Variants in NEDD4 observed in about 807,000 individuals in gnomAD.
The protein encoded by NEDD4 is NEDD4 E3 ubiquitin protein ligase, also known as E3 ubiquitin-protein ligase NEDD4.
A neutral mutation model predicts 144.9 loss-of-function variants in NEDD4; 99 were observed. That is an observed-to-expected ratio of 0.68 (90% CI 0.58 to 0.81). The LOEUF is 0.81. Among genes scored for constraint, NEDD4 ranks in the 30% least tolerant of loss-of-function variants. NEDD4 has a pLI of 0.00. For missense variants in NEDD4, 985 were observed against 1,065.9 expected (o/e 0.92, Z 1.06); for synonymous variants, 318 against 350.6 (o/e 0.91, Z 1.04).
At chr15:55,931,066 A>G (rs1421979080) in intron 4 of NEDD4, among the ~76,000 whole-genome samples, 1 of 152,232 alleles carries the variant, frequency 6.6e-6, no homozygotes, top group East Asian at 1.9e-4. Context: ...TAAATTTTTC[A>G]GAGAAAGAGA....
chr15:55,889,668 T>C (rs772014148), intron 5 of NEDD4, among the ~76,000 whole-genome samples: 1 of 152,194 alleles, frequency 6.6e-6, no homozygotes. Flanking sequence ...GTAACTTTAG[T>C]CAAAAATAAT....
Position 55,833,066 on chromosome 15 carries a change from T to C in NEDD4, c.2469A>G (p.Leu823=). Residue 823 remains leucine, a synonymous_variant, in exon 27 of 29, where the codon TTA becomes TTG. Transcript: ENST00000435532. The part of the protein sequence containing the change: ...LMMDSEKRIR[L]LQFVTGTSRV... ...GAGATGTGCCAGTGACAAACTGAAG[T>C]AATCTTATTCTTTTTTCTGAATCCA... 1 of 1,613,470 alleles carries C rather than the reference T, an allele frequency of 6.2e-7. No homozygotes were observed. Among genetic ancestry groups the C allele is most frequent in the South Asian group, 1.1e-5 (1 of 91,052 alleles).
intron 5 of NEDD4, among the ~76,000 whole-genome samples, chr15:55,903,741 C>A (rs556907060): frequency 2.0e-5 from 3 of 148,660 alleles, no homozygotes; most frequent in South Asian, 2.1e-4. Context: ...AGGAGAATGG[C>A]GTGAACCCGG....
intron 24 of NEDD4, among the ~76,000 whole-genome samples, chr15:55,835,073 AAAAC>A (rs1209644476): frequency 3.0e-4 from 46 of 152,262 alleles, no homozygotes; most frequent in African/African-American, 5.8e-4. Flanking sequence ...AAAACAAAGC[AAAAC>A]AAACAAACAA....
At chr15:55,835,890 G>T (rs537028919) in intron 24 of NEDD4, among the ~76,000 whole-genome samples, 92 of 152,282 alleles carry the variant, frequency 6.0e-4, no homozygotes, top group African/African-American at 2.2e-3. Context: ...TTGGTTAATA[G>T]CCTTTAATGC....
intron 5 of NEDD4, among the ~76,000 whole-genome samples, chr15:55,911,555 G>A (rs34671862): frequency 0.4 from 60,812 of 150,996 alleles, 12,408 homozygotes; most frequent in East Asian, 0.48. Context: ...TTTGAGACGG[G>A]GTTTCGCTCT....
chr15:55,856,750 C>G (rs1253988163), intron 11 of NEDD4, among the ~76,000 whole-genome samples: 2 of 152,328 alleles, frequency 1.3e-5, no homozygotes, highest in East Asian at 3.9e-4. Flanking sequence ...ACTTCGCAAT[C>G]TACCCCCTGG....
intron 27 of NEDD4, among the ~76,000 whole-genome samples, chr15:55,832,422 TTC>T (rs1197037024): frequency 2.6e-5 from 4 of 152,138 alleles, no homozygotes; most frequent in Non-Finnish European, 5.9e-5. Flanking sequence ...GTAATGCTTT[TTC>T]TTTTTTTTGA....
Position 55,860,693 on chromosome 15 carries a change from T to C in NEDD4, c.760A>G (p.Thr254Ala), listed in dbSNP as rs1385415606. The C allele has an allele frequency of 5.6e-6, 9 of 1,614,086 alleles. No homozygotes were observed. ...GACTCTCGGTTGTCAACACTTTCTG[T>C]TTCCTCGGATATCTGCCGCCTGGTG... ...FTTRRQISEETESVDNRESSE... is the reference protein window; with the variant it reads ...FTTRRQISEEAESVDNRESSE... Residue 254 changes from threonine (T) to alanine (A), a missense_variant, in exon 10 of 29, where the codon ACA (threonine) becomes GCA (alanine). Thr to Ala is a moderately conservative substitution (Grantham distance 58). Coordinates refer to ENST00000435532, the MANE Select transcript of NEDD4 (RefSeq NM_006154.4).
chr15:55,934,917 G>A (rs566131020), intron 4 of NEDD4, among the ~76,000 whole-genome samples: 1 of 115,002 alleles, frequency 8.7e-6, no homozygotes, highest in South Asian at 3.0e-4. Context: ...TGCCCAGGCT[G>A]GAGTGCAGTG....
At chr15:55,952,715 TG>T (rs1184973175) in intron 2 of NEDD4, 3 of 152,280 alleles carry the variant, frequency 2.0e-5, no homozygotes, top group African/African-American at 7.2e-5. Context: ...TTCAGTTCTC[TG>T]AACTTTGGAG....
intron 2 of NEDD4, among the ~76,000 whole-genome samples, chr15:55,964,488 T>A (rs1332665895): frequency 6.6e-6 from 1 of 152,200 alleles, no homozygotes; most frequent in Non-Finnish European, 1.5e-5. Context: ...TTTTTTATGG[T>A]TTCCATTTCA....
intron 18 of NEDD4, 89 bp from the exon 19 acceptor site, chr15:55,842,252 A>G: frequency 1.9e-6 from 2 of 1,038,602 alleles, no homozygotes. Context: ...TTCCCTCTAC[A>G]CCCTGTGTCC....
chr15:55,919,611 T>A (rs1296449948), intron 5 of NEDD4, among the ~76,000 whole-genome samples: 1 of 152,162 alleles, frequency 6.6e-6, no homozygotes, highest in Non-Finnish European at 1.5e-5. Flanking sequence ...AACAGGAGTG[T>A]TAATCCTAAC....
chr15:55,945,218 G>A (rs1356471304), intron 4 of NEDD4, among the ~76,000 whole-genome samples: 1 of 152,142 alleles, frequency 6.6e-6, no homozygotes, highest in Non-Finnish European at 1.5e-5. Context: ...ACTTCTCCAA[G>A]CTAAAGAAGC....
intron 13 of NEDD4, among the ~76,000 whole-genome samples, chr15:55,851,326 T>C (rs1229273348): frequency 1.3e-5 from 2 of 151,714 alleles, no homozygotes; most frequent in Non-Finnish European, 2.9e-5. Flanking sequence ...TTTAAAACAA[T>C]GTTAAGCAAA....
At chr15:55,945,354 C>T (rs2037090086) in intron 4 of NEDD4, among the ~76,000 whole-genome samples, 3 of 152,096 alleles carry the variant, frequency 2.0e-5, no homozygotes, top group Admixed American at 2.0e-4. Context: ...GGCACAAGAA[C>T]TTTGTGATAC....
Position 55,959,073 on chromosome 15 carries a change from C to T in NEDD4, c.119+7400G>A, listed in dbSNP as rs1307231775. On this transcript the variant is annotated intron_variant, in intron 2 of 28. Transcript: ENST00000435532. Reference sequence around the variant, plus strand: ...CCCTCTACTTATTTTAGAATTCATTCGCTCTTCTTTTTCTAATTTATTAAG... The same window carrying T: ...CCCTCTACTTATTTTAGAATTCATTTGCTCTTCTTTTTCTAATTTATTAAG... Among the ~76,000 whole-genome samples, 7 of 150,984 alleles carry T rather than the reference C, an allele frequency of 4.6e-5. 1 individual carries two copies. The South Asian group carries it at 6.3e-4, about 14-fold the overall frequency.
chr15:55,908,989 C>A (rs958143770), intron 5 of NEDD4, among the ~76,000 whole-genome samples: 1 of 152,130 alleles, frequency 6.6e-6, no homozygotes, highest in Non-Finnish European at 1.5e-5. Flanking sequence ...TTAGTTATAA[C>A]TGAATTTAAA....
Sources: gnomAD v4.1 joint callset for allele counts (sites outside exome capture counted in the v4.1 genomes callset) on GRCh38, gnomAD v4.1.1 for gene constraint, MANE v1.5 for transcripts, NCBI Gene and HGNC (gene_info 2026-07-23, HGNC 2026-07-21) for gene names.